MRPS27: variants seen among roughly 807,000 people sequenced by gnomAD.
MRPS27 encodes the protein small ribosomal subunit protein mS27.
MRPS27 carries 43 observed loss-of-function variants against 48.9 expected under a neutral mutation model. That is an observed-to-expected ratio of 0.88 (90% confidence interval 0.69 to 1.13). The LOEUF is 1.13. MRPS27 is among the 50% of genes most tolerant of loss of function. The probability of loss-of-function intolerance (pLI) is 0.00; values close to 1 mark genes in which losing one functional copy is unlikely to be tolerated. For synonymous variants in MRPS27, 188 were observed against 171.9 expected (o/e 1.09, Z -0.73); for missense variants, 467 against 476.3 (o/e 0.98, Z 0.18).
intron 2 of MRPS27, among the ~76,000 whole-genome samples, chr5:72,313,822 T>C (rs1750499331): frequency 6.6e-6 from 1 of 151,900 alleles, no homozygotes; most frequent in African/African-American, 2.4e-5. Context: ...ATGGTAAAAA[T>C]GGACAAAAAA....
Position 72,247,260 on chromosome 5 carries a change from C to T in MRPS27, c.282-9132G>A, listed in dbSNP as rs1192782581. 3.3e-5 allele frequency among the ~76,000 whole-genome samples: 5 copies of T among 152,152 alleles called. No individual in the cohort carries two copies. The East Asian group carries it at 9.6e-4, about 29-fold the overall frequency. ...GGGCCAAACAAAATACACTTGAACT[C>T]TGGACTAGACCAGACCCCCGGAACT... is the stretch of plus-strand genomic sequence containing the variant. On this transcript the variant is annotated intron_variant, in intron 4 of 10. Transcript: ENST00000261413.
chr5:72,275,105 G>A (rs1022081907), intron 4 of MRPS27, among the ~76,000 whole-genome samples: 2 of 152,120 alleles, frequency 1.3e-5, no homozygotes, highest in African/African-American at 4.8e-5. Context: ...GTTTGCAGAC[G>A]ACACGATCCT....
At position 72,283,732 on chromosome 5, in the gene MRPS27, A is replaced by C. The variant is rs80321138; in HGVS notation, c.281+11799T>G. ...AGCTTAGAAAGAAATGTGTACGTAC[A>C]AAAAAAAAAGGCAAAAGAAAAACTC... On this transcript the variant is annotated intron_variant, in intron 4 of 10. Coordinates refer to ENST00000261413, the MANE Select transcript of MRPS27 (RefSeq NM_015084.3). 3.4e-5 allele frequency among the ~76,000 whole-genome samples: 5 copies of C among 148,014 alleles called. No homozygotes were observed. In the East Asian group the frequency reaches 9.8e-4, roughly 29 times the overall value.
intron 2 of MRPS27, among the ~76,000 whole-genome samples, chr5:72,308,146 C>G (rs1561364293): frequency 1.3e-5 from 2 of 152,168 alleles, no homozygotes; most frequent in Non-Finnish European, 2.9e-5. Flanking sequence ...ACCGCGGCCC[C>G]GGCGCTGGGA....
chr5:72,259,489 C>T (rs191179208), intron 4 of MRPS27, among the ~76,000 whole-genome samples: 2,314 of 146,888 alleles, frequency 0.016, 25 homozygotes, highest in Non-Finnish European at 0.026. Flanking sequence ...AAAAAAAAAT[C>T]CAATTCCCTT....
intron 1 of MRPS27, among the ~76,000 whole-genome samples, chr5:72,318,651 G>A (rs773803080): frequency 2.0e-5 from 3 of 152,138 alleles, no homozygotes; most frequent in African/African-American, 7.2e-5. Flanking sequence ...AAAATTAGCC[G>A]GGAGTGGTGG....
intron 4 of MRPS27, among the ~76,000 whole-genome samples, chr5:72,273,725 C>G (rs1190666628): frequency 6.6e-6 from 1 of 152,140 alleles, no homozygotes; most frequent in Non-Finnish European, 1.5e-5. Flanking sequence ...TGTAGCACTA[C>G]AAGTAGCTCT....
At chr5:72,264,571 G>A (rs1007430394) in intron 4 of MRPS27, among the ~76,000 whole-genome samples, 1 of 152,188 alleles carries the variant, frequency 6.6e-6, no homozygotes, top group African/African-American at 2.4e-5. Context: ...AGGGGGTGTA[G>A]GGGGCTTAAT....
At chr5:72,271,664 G>A (rs1460846415) in intron 4 of MRPS27, among the ~76,000 whole-genome samples, 1 of 152,126 alleles carries the variant, frequency 6.6e-6, no homozygotes, top group Non-Finnish European at 1.5e-5. Context: ...TTTGAATATG[G>A]ACTGTATTAT....
intron 7 of MRPS27, 111 bp from the exon 8 acceptor site, chr5:72,228,479 A>G: frequency 2.9e-6 from 2 of 680,874 alleles, no homozygotes; most frequent in Non-Finnish European, 4.9e-6. Flanking sequence ...TAAGTAAACA[A>G]AGAAGAACAA....
intron 2 of MRPS27, among the ~76,000 whole-genome samples, chr5:72,299,196 C>T (rs1380108318): frequency 6.6e-6 from 1 of 151,952 alleles, no homozygotes; most frequent in African/African-American, 2.4e-5. Flanking sequence ...CACTTATACC[C>T]CAAACCTCAG....
At chr5:72,235,578 G>A (rs140290968) in intron 5 of MRPS27, among the ~76,000 whole-genome samples, 164 of 152,298 alleles carry the variant, frequency 1.1e-3, no homozygotes, top group African/African-American at 3.9e-3. Context: ...TGTTGATTAT[G>A]AGGAAGGCTA....
At chr5:72,305,573 A>G (rs73128910) in intron 2 of MRPS27, among the ~76,000 whole-genome samples, 1,665 of 152,366 alleles carry the variant, frequency 0.011, 28 homozygotes, top group African/African-American at 0.038. Flanking sequence ...ACAAACAAGC[A>G]AAACAGTAAC....
chr5:72,247,279 C>T (rs925253169), intron 4 of MRPS27, among the ~76,000 whole-genome samples: 1 of 152,184 alleles, frequency 6.6e-6, no homozygotes, highest in East Asian at 1.9e-4. Flanking sequence ...ACCAGACCCC[C>T]GGAACTCCTT....
chr5:72,290,484 T>C (rs1195106439), intron 4 of MRPS27, among the ~76,000 whole-genome samples: 1 of 152,216 alleles, frequency 6.6e-6, no homozygotes, highest in Non-Finnish European at 1.5e-5. Flanking sequence ...ATTGTTTTTA[T>C]AGCATTGCCC....
chr5:72,270,643 TC>T (rs1337727657), intron 4 of MRPS27, among the ~76,000 whole-genome samples: 2 of 152,134 alleles, frequency 1.3e-5, no homozygotes, highest in Non-Finnish European at 2.9e-5. Context: ...AGGGAACATT[TC>T]CCAATACATT....
chr5:72,301,228 A>C (rs1391389267), intron 2 of MRPS27, among the ~76,000 whole-genome samples: 3 of 152,244 alleles, frequency 2.0e-5, no homozygotes, highest in African/African-American at 7.2e-5. Flanking sequence ...ACTTGATACG[A>C]TATGAAAGCA....
At chr5:72,240,124 C>T (rs1748309913) in intron 4 of MRPS27, among the ~76,000 whole-genome samples, 1 of 152,006 alleles carries the variant, frequency 6.6e-6, no homozygotes, top group Non-Finnish European at 1.5e-5. Flanking sequence ...AATTCTTGGC[C>T]CATAGGTTTT....
chr5:72,252,630 GGTT>G (rs1748699118), intron 4 of MRPS27, among the ~76,000 whole-genome samples: 1 of 152,150 alleles, frequency 6.6e-6, no homozygotes, highest in African/African-American at 2.4e-5. Flanking sequence ...ACACACTTTT[GGTT>G]GTTGTTGAGC....
Sources: gnomAD v4.1 joint callset for allele counts (sites outside exome capture counted in the v4.1 genomes callset) on GRCh38, gnomAD v4.1.1 for gene constraint, MANE v1.5 for transcripts, NCBI Gene and HGNC (gene_info 2026-07-23, HGNC 2026-07-21) for gene names.